The following ARHGEF11 variants were observed in gnomAD, a reference collection of about 807,000 sequenced individuals.
The protein encoded by ARHGEF11 is Rho guanine nucleotide exchange factor 11.
A neutral mutation model predicts 193.7 loss-of-function variants in ARHGEF11; 55 were observed. The ratio of observed to expected loss-of-function variants is 0.28; its 90% CI spans 0.23 to 0.36. The LOEUF (loss-of-function observed/expected upper bound fraction) is 0.36. ARHGEF11 is among the 10% of genes least tolerant of loss of function. The probability of loss-of-function intolerance (pLI) is 1.00; values close to 1 mark genes in which losing one functional copy is unlikely to be tolerated. For synonymous variants in ARHGEF11, 693 were observed against 768.0 expected, an observed-to-expected ratio of 0.90 and a Z score of 1.62; for missense variants, 1,723 against 2,005.6, an observed-to-expected ratio of 0.86 and a Z score of 2.69.
intron 4 of ARHGEF11, among the ~76,000 whole-genome samples, chr1:156,979,671 C>T (rs1557895082): frequency 6.6e-6 from 1 of 152,142 alleles, no homozygotes; most frequent in Non-Finnish European, 1.5e-5. Context: ...GCCCAAAATG[C>T]CATGTTTTTA....
chr1:157,010,294 G>C (rs2102778695), intron 1 of ARHGEF11, among the ~76,000 whole-genome samples: 1 of 152,246 alleles, frequency 6.6e-6, no homozygotes, highest in East Asian at 1.9e-4. Context: ...TATCCAGATG[G>C]AAAAGGAAAA....
At chr1:156,977,745 C>T (rs1465969084) in intron 6 of ARHGEF11, among the ~76,000 whole-genome samples, 1 of 152,132 alleles carries the variant, frequency 6.6e-6, no homozygotes, top group East Asian at 1.9e-4. Context: ...CTGGTCCCTC[C>T]CTCTACTGAG....
intron 37 of ARHGEF11, 27 bp from the exon 38 acceptor site, chr1:156,938,540 AGAG>A (rs1268887471): frequency 1.9e-6 from 3 of 1,606,742 alleles, no homozygotes; most frequent in Non-Finnish European, 2.6e-6. Flanking sequence ...ACCACCAGGA[AGAG>A]GAGAGACCAA....
At chr1:156,971,517 A>C (rs543622055) in intron 8 of ARHGEF11, among the ~76,000 whole-genome samples, 180 bp downstream of exon 8, 15 of 152,348 alleles carry the variant, frequency 9.8e-5, no homozygotes, top group Non-Finnish European at 1.6e-4. Flanking sequence ...CCCAAGTGTC[A>C]CTACAATGCT....
intron 29 of ARHGEF11, 85 bp from the exon 30 acceptor site, chr1:156,945,282 T>C (rs1220320878): frequency 5.4e-6 from 8 of 1,468,576 alleles, no homozygotes; most frequent in East Asian, 2.3e-5. Flanking sequence ...TATTCATCCA[T>C]GGCAGCTGGC....
intron 1 of ARHGEF11, among the ~76,000 whole-genome samples, chr1:156,994,190 G>A (rs1666154354): frequency 6.6e-6 from 1 of 152,132 alleles, no homozygotes; most frequent in Non-Finnish European, 1.5e-5. Context: ...CCTGAGAACA[G>A]GGACCATGTC....
chr1:156,984,937 C>G (rs1190120980), intron 2 of ARHGEF11, among the ~76,000 whole-genome samples: 1 of 151,878 alleles, frequency 6.6e-6, no homozygotes, highest in African/African-American at 2.4e-5. Context: ...TAGGAGTGGT[C>G]TCTTGCCAAA....
chr1:156,959,934 C>G (rs1207532634), intron 15 of ARHGEF11, among the ~76,000 whole-genome samples: 1 of 29,674 alleles, frequency 3.4e-5, no homozygotes. Context: ...ACCCCCCCTC[C>G]CCCCCCCCCA....
At chr1:156,957,495 T>C (rs1660131462) in intron 18 of ARHGEF11, among the ~76,000 whole-genome samples, 1 of 152,076 alleles carries the variant, frequency 6.6e-6, no homozygotes, top group African/African-American at 2.4e-5. Context: ...CTCATCTGGG[T>C]AGAGAAGCTG....
intron 1 of ARHGEF11, among the ~76,000 whole-genome samples, chr1:157,004,176 T>C (rs770120216): frequency 2.6e-5 from 4 of 152,224 alleles, no homozygotes; most frequent in Admixed American, 6.5e-5. Flanking sequence ...GGTCCTGCTA[T>C]CTGCCGCCTC....
At chr1:157,036,766 A>C (rs1672100725) in intron 1 of ARHGEF11, among the ~76,000 whole-genome samples, 1 of 152,220 alleles carries the variant, frequency 6.6e-6, no homozygotes. Context: ...ACTTCTACTG[A>C]AGATCCTAGT....
intron 30 of ARHGEF11, 35 bp from the exon 31 acceptor site, chr1:156,944,468 TCA>T: frequency 6.3e-7 from 1 of 1,590,738 alleles, no homozygotes; most frequent in Non-Finnish European, 8.6e-7. Context: ...ATTCATTCAT[TCA>T]TTCATTCATT....
chr1:156,956,047 G>A (rs1161797603), intron 19 of ARHGEF11, among the ~76,000 whole-genome samples: 2 of 152,126 alleles, frequency 1.3e-5, no homozygotes, highest in African/African-American at 2.4e-5. Flanking sequence ...CCTGCAAAAC[G>A]GCTTTCCTGA....
chr1:157,018,633 G>T (rs934939679), intron 1 of ARHGEF11, among the ~76,000 whole-genome samples: 4 of 146,720 alleles, frequency 2.7e-5, no homozygotes, highest in Non-Finnish European at 4.5e-5. Context: ...GACAGAGCAA[G>T]ACTCTGTCTC....
At position 156,946,999 on chromosome 1, in the gene ARHGEF11, G is replaced by A. The variant is rs760684077; in HGVS notation, c.2505C>T (p.Ala835=). 27 of 1,614,002 alleles carry A rather than the reference G, an allele frequency of 1.7e-5. No homozygotes were observed. The highest frequency in any genetic ancestry group is 2.2e-5 in the Non-Finnish European group (26 of 1,180,036). Residue 835 remains alanine, a synonymous_variant, in exon 27 of 41, where the codon GCC becomes GCT. Coordinates refer to ENST00000368194, the MANE Select transcript of ARHGEF11 (RefSeq NM_198236.3). The part of the protein sequence containing the change: ...LIEIHNSWCE[A]MKKLREEGPI... The stretch of plus-strand genomic sequence containing the variant: ...GGCCTTCCTCCCGGAGCTTCTTCAT[G>A]GCTTCACACCAGGAATCTGGGGCAG...
At position 156,940,304 on chromosome 1, in the gene ARHGEF11, A is replaced by C; in HGVS notation, c.3636T>G (p.Asp1212Glu). The C allele has an allele frequency of 1.2e-6, 2 of 1,613,774 alleles. No individual in the cohort carries two copies. The highest frequency in any genetic ancestry group is 1.7e-6 in the Non-Finnish European group (2 of 1,179,838). ...TTGTCCTGATGCCCCTGTTCTCTCC[A>C]TCCAGGGATGTGGAAGGGCAAGGCA... ...GVLPCPSTSL[D>E]GENRGIRTRN... The change falls in exon 36 of 41, where the codon GAT (aspartate) becomes GAG (glutamate). Residue 1212 changes from aspartate (D) to glutamate (E), a missense_variant. Asp to Glu is a conservative substitution (Grantham distance 45). Coordinates refer to ENST00000368194, the MANE Select transcript of ARHGEF11 (RefSeq NM_198236.3).
intron 4 of ARHGEF11, among the ~76,000 whole-genome samples, chr1:156,979,725 T>C (rs891219010): frequency 6.6e-5 from 10 of 152,234 alleles, no homozygotes; most frequent in African/African-American, 2.2e-4. Context: ...TGGTCACTTG[T>C]TTACTCAAGT....
chr1:156,961,844 G>T, intron 13 of ARHGEF11, 69 bp from the exon 14 acceptor site: 2 of 1,369,690 alleles, frequency 1.5e-6, no homozygotes, highest in Non-Finnish European at 2.1e-6. Flanking sequence ...CCTAGGGGAC[G>T]TTTGGCCATG....
At chr1:157,015,586 T>C (rs571990998) in intron 1 of ARHGEF11, among the ~76,000 whole-genome samples, 2 of 152,344 alleles carry the variant, frequency 1.3e-5, no homozygotes, top group African/African-American at 4.8e-5. Context: ...GAGGCAGGGA[T>C]TGTCTTATCC....
Sources: allele counts gnomAD v4.1 joint callset (sites outside exome capture counted in the v4.1 genomes callset), GRCh38; gene constraint gnomAD v4.1.1; transcripts MANE v1.5; gene names NCBI Gene and HGNC (gene_info 2026-07-23, HGNC 2026-07-21).